TTC23L: variants seen among roughly 807,000 people sequenced by gnomAD.
TTC23L encodes tetratricopeptide repeat protein 23-like.
A neutral mutation model predicts 48.1 loss-of-function variants in TTC23L; 42 were observed. The ratio of observed to expected loss-of-function variants is 0.87; its 90% confidence interval spans 0.68 to 1.13. The LOEUF is 1.13. Ranked by LOEUF, TTC23L falls within the 50% of genes most tolerant of loss-of-function variation. The pLI is 0.00. For synonymous variants in TTC23L, 159 were observed against 157.2 expected, an observed-to-expected ratio of 1.01 and a Z score of -0.09; for missense variants, 391 against 421.0, an observed-to-expected ratio of 0.93 and a Z score of 0.62.
At chr5:34,922,726 A>C in the TTC23L span, 2 of 1,614,044 alleles carry the variant, frequency 1.2e-6, no homozygotes, top group Non-Finnish European at 1.7e-6. Context: ...AGATGACTGG[A>C]AACTGTTTGA....
chr5:34,914,030 C>G, the TTC23L span: 1 of 456,508 alleles, frequency 2.2e-6, no homozygotes, highest in African/African-American at 2.0e-5. Flanking sequence ...CATGCCCCTG[C>G]ATGAGGACAA....
At chr5:34,918,396 C>A in the TTC23L span, 1 of 1,589,180 alleles carries the variant, frequency 6.3e-7, no homozygotes, top group Non-Finnish European at 8.6e-7. Context: ...GGATTCTCAT[C>A]TTTTCTTCCA....
intron 9 of TTC23L, among the ~76,000 whole-genome samples, chr5:34,884,653 G>GA (rs903374738): frequency 1.2e-3 from 178 of 147,886 alleles, no homozygotes; most frequent in African/African-American, 4.3e-3. Context: ...TGAACAATTT[G>GA]AAAAAAAAAG....
At chr5:34,864,668 G>C (rs1022715571) in intron 6 of TTC23L, 106 bp downstream of exon 6, 7 of 1,363,250 alleles carry the variant, frequency 5.1e-6, no homozygotes, top group Non-Finnish European at 4.9e-6. Context: ...AAACTCAAAT[G>C]ATAATAAAAG....
chr5:34,909,581 A>AG, the TTC23L span, among the ~76,000 whole-genome samples: 1 of 152,218 alleles, frequency 6.6e-6, no homozygotes, highest in African/African-American at 2.4e-5. Context: ...GGAAAAGGGT[A>AG]GGGGACACTT....
chr5:34,854,147 C>T (rs1561126993), intron 4 of TTC23L, among the ~76,000 whole-genome samples: 2 of 152,160 alleles, frequency 1.3e-5, no homozygotes. Context: ...TCCTTTTCTC[C>T]CTAACTGACA....
intron 4 of TTC23L, among the ~76,000 whole-genome samples, chr5:34,859,873 T>G: frequency 7.9e-6 from 1 of 127,204 alleles, no homozygotes; most frequent in African/African-American, 2.8e-5. Flanking sequence ...AGACGGAATC[T>G]CACTCTGTTG....
chr5:34,913,390 T>G, the TTC23L span: 1 of 769,166 alleles, frequency 1.3e-6, no homozygotes, highest in Non-Finnish European at 2.0e-6. Flanking sequence ...TGAACCAATG[T>G]TTATGTTCCA....
the TTC23L span, among the ~76,000 whole-genome samples, chr5:34,904,898 G>A: frequency 3.2e-4 from 49 of 152,266 alleles, no homozygotes; most frequent in Middle Eastern, 0.01. Context: ...AAATAATTTA[G>A]TAAGTTCACA....
intron 1 of TTC23L, 50 bp downstream of exon 1, chr5:34,839,309 G>C (rs1237429750): frequency 6.5e-6 from 1 of 152,738 alleles, no homozygotes; most frequent in Non-Finnish European, 1.5e-5. Flanking sequence ...CGCGCCGTCG[G>C]GCTCAGGGAG....
the TTC23L span, chr5:34,907,490 A>AT: frequency 1.3e-5 from 2 of 152,054 alleles, no homozygotes; most frequent in East Asian, 1.9e-4. Context: ...TACTCATGTA[A>AT]TTTTTTCTAC....
intron 9 of TTC23L, among the ~76,000 whole-genome samples, chr5:34,881,338 T>G (rs984762040): frequency 4.6e-5 from 7 of 152,234 alleles, no homozygotes; most frequent in African/African-American, 9.6e-5. Flanking sequence ...TAATTGTTAT[T>G]GCTGACCTTT....
At chr5:34,908,892 A>G in the TTC23L span, 1 of 1,612,580 alleles carries the variant, frequency 6.2e-7, no homozygotes, top group African/African-American at 1.3e-5. Flanking sequence ...CCGAATAGAT[A>G]CCTTACAAGA....
intron 9 of TTC23L, among the ~76,000 whole-genome samples, chr5:34,891,557 A>G (rs1267530051): frequency 6.6e-6 from 1 of 152,248 alleles, no homozygotes; most frequent in Non-Finnish European, 1.5e-5. Context: ...GATGATTGTT[A>G]GCCACTATTA....
At chr5:34,860,681 T>C (rs1294939214) in intron 4 of TTC23L, 1 of 152,188 alleles carries the variant, frequency 6.6e-6, no homozygotes, top group Non-Finnish European at 1.5e-5. Flanking sequence ...GGAACAGATA[T>C]TTCTGAGTAT....
the TTC23L span, chr5:34,925,018 C>G: frequency 1.3e-6 from 2 of 1,578,730 alleles, no homozygotes; most frequent in South Asian, 2.3e-5. Context: ...GTACCAGAAC[C>G]CTTTGGCCAA....
At chr5:34,872,915 T>C (rs1414508321) in intron 8 of TTC23L, among the ~76,000 whole-genome samples, 7 of 151,916 alleles carry the variant, frequency 4.6e-5, no homozygotes, top group Non-Finnish European at 1.0e-4. Context: ...ATACAAAAAT[T>C]AGCCGGGCTT....
At chr5:34,898,615 A>G (rs1763372925) in intron 10 of TTC23L, among the ~76,000 whole-genome samples, 1 of 152,160 alleles carries the variant, frequency 6.6e-6, no homozygotes, top group Admixed American at 6.5e-5. Flanking sequence ...CTAATTTGGA[A>G]TCTCATTATC....
chr5:34,862,795 C>A, intron 4 of TTC23L, 103 bp from the exon 5 acceptor site: 1 of 1,362,602 alleles, frequency 7.3e-7, no homozygotes, highest in Non-Finnish European at 1.0e-6. Flanking sequence ...ATAGACCATA[C>A]GACAACTGCA....
Sources: gnomAD v4.1 joint callset for allele counts (sites outside exome capture counted in the v4.1 genomes callset) on GRCh38, gnomAD v4.1.1 for gene constraint, MANE v1.5 for transcripts, NCBI Gene and HGNC (gene_info 2026-07-23, HGNC 2026-07-21) for gene names.